ERC2: variants seen among roughly 807,000 people sequenced by gnomAD.
ERC2 encodes the protein ERC protein 2.
Under a neutral mutation model 114.8 loss-of-function variants are expected in ERC2, and 42 were observed. The observed-to-expected ratio is 0.37, with a 90% CI of 0.29 to 0.47. The LOEUF (loss-of-function observed/expected upper bound fraction) is 0.47, where lower values mean the gene tolerates loss of function less well. Ranked by LOEUF, ERC2 falls within the 20% of genes least tolerant of loss-of-function variation. The pLI is 0.99. For missense variants in ERC2, 939 were observed against 1,150.7 expected, an observed-to-expected ratio of 0.82 and a Z score of 2.66; for synonymous variants, 454 against 425.5, an observed-to-expected ratio of 1.07 and a Z score of -0.82.
chr3:55,657,191 C>T (rs1033523399), intron 17 of ERC2: 4 of 151,916 alleles, frequency 2.6e-5, no homozygotes, highest in African/African-American at 9.7e-5. Context: ...TCCTGACATA[C>T]CCTTTTTCAT....
At chr3:55,901,495 G>T (rs1242548405) in intron 13 of ERC2, among the ~76,000 whole-genome samples, 2 of 152,180 alleles carry the variant, frequency 1.3e-5, no homozygotes, top group Non-Finnish European at 2.9e-5. Context: ...GCTCATTGAA[G>T]CCACCTGTAT....
chr3:55,992,426 G>T (rs1460287580), intron 10 of ERC2, among the ~76,000 whole-genome samples, 176 bp from the exon 11 acceptor site: 1 of 152,114 alleles, frequency 6.6e-6, no homozygotes, highest in Non-Finnish European at 1.5e-5. Flanking sequence ...TACCTTAGAA[G>T]AATGCTGATT....
intron 7 of ERC2, among the ~76,000 whole-genome samples, chr3:56,040,654 G>GTA (rs2149658652): frequency 7.3e-6 from 1 of 137,864 alleles, no homozygotes; most frequent in South Asian, 2.2e-4. Context: ...AGATGTATAT[G>GTA]TATATATACA....
At chr3:55,880,818 C>A (rs1288175577) in intron 14 of ERC2, among the ~76,000 whole-genome samples, 2 of 151,130 alleles carry the variant, frequency 1.3e-5, no homozygotes, top group Non-Finnish European at 1.5e-5. Context: ...AAAAGAAATT[C>A]TTGAATGGAG....
intron 13 of ERC2, among the ~76,000 whole-genome samples, chr3:55,949,353 G>C (rs2067340142): frequency 6.6e-6 from 1 of 151,962 alleles, no homozygotes; most frequent in Non-Finnish European, 1.5e-5. Context: ...CTGGGCGACA[G>C]GGGGAGACTC....
intron 3 of ERC2, among the ~76,000 whole-genome samples, chr3:56,291,649 G>A (rs534987464): frequency 3.9e-5 from 6 of 152,122 alleles, no homozygotes; most frequent in Non-Finnish European, 5.9e-5. Flanking sequence ...CAACCTACTC[G>A]AACTGTGCAT....
At chr3:55,961,318 T>A (rs773774764) in intron 12 of ERC2, among the ~76,000 whole-genome samples, 5 of 152,032 alleles carry the variant, frequency 3.3e-5, no homozygotes, top group South Asian at 2.1e-4. Flanking sequence ...ACCCCCACCC[T>A]GCCCCTTCCT....
chr3:55,704,558 A>T (rs1296016753), intron 15 of ERC2, among the ~76,000 whole-genome samples: 2 of 152,194 alleles, frequency 1.3e-5, no homozygotes, highest in African/African-American at 4.8e-5. Flanking sequence ...CAAGGTGAAC[A>T]GCTCTTGTCT....
intron 15 of ERC2, among the ~76,000 whole-genome samples, chr3:55,720,680 G>C (rs1169940880): frequency 6.6e-6 from 1 of 152,058 alleles, no homozygotes; most frequent in Admixed American, 6.5e-5. Flanking sequence ...GCAGAAGAGG[G>C]GACCCTATGT....
At chr3:56,041,596 C>A (rs1002863922) in intron 7 of ERC2, among the ~76,000 whole-genome samples, 1 of 152,134 alleles carries the variant, frequency 6.6e-6, no homozygotes, top group African/African-American at 2.4e-5. Context: ...TTCCTTCCAC[C>A]TTTCCTCTCT....
intron 7 of ERC2, chr3:56,072,122 G>C (rs907678682): frequency 1.3e-5 from 2 of 154,284 alleles, no homozygotes; most frequent in African/African-American, 4.8e-5. Flanking sequence ...GGGCAATCTG[G>C]CTGCAACATC....
intron 3 of ERC2, among the ~76,000 whole-genome samples, chr3:56,272,225 C>T (rs887801861): frequency 3.3e-5 from 5 of 152,144 alleles, no homozygotes; most frequent in African/African-American, 7.2e-5. Flanking sequence ...CCTGGGCACA[C>T]CAAAACCAAA....
intron 6 of ERC2, among the ~76,000 whole-genome samples, chr3:56,108,841 A>G (rs553774910): frequency 6.6e-6 from 1 of 152,328 alleles, no homozygotes; most frequent in Admixed American, 6.5e-5. Flanking sequence ...GTAGGATACA[A>G]GATTAATAAT....
chr3:56,421,147 T>G (rs1467266971), intron 2 of ERC2, among the ~76,000 whole-genome samples: 1 of 152,140 alleles, frequency 6.6e-6, no homozygotes, highest in Non-Finnish European at 1.5e-5. Context: ...CTACTGAAGT[T>G]GTTATTGAAA....
intron 6 of ERC2, among the ~76,000 whole-genome samples, chr3:56,107,024 C>A (rs1265583643): frequency 3.3e-5 from 5 of 152,088 alleles, no homozygotes; most frequent in African/African-American, 4.8e-5. Flanking sequence ...AATACGGAAA[C>A]ATGTTTTATT....
At chr3:56,265,753 G>A (rs993696401) in intron 3 of ERC2, among the ~76,000 whole-genome samples, 3 of 152,246 alleles carry the variant, frequency 2.0e-5, no homozygotes, top group African/African-American at 7.2e-5. Context: ...AATAGGCCAG[G>A]CACAGTGGCT....
intron 2 of ERC2, among the ~76,000 whole-genome samples, chr3:56,331,529 C>G (rs2057615059): frequency 6.6e-6 from 1 of 152,042 alleles, no homozygotes. Context: ...AATGATACTC[C>G]AGCAAATTAG....
chr3:55,716,873 G>C (rs575432285), intron 15 of ERC2, among the ~76,000 whole-genome samples: 5 of 152,222 alleles, frequency 3.3e-5, no homozygotes, highest in African/African-American at 9.6e-5. Flanking sequence ...AATTTGCAAG[G>C]CTATCTATAT....
intron 4 of ERC2, among the ~76,000 whole-genome samples, chr3:56,157,107 C>T (rs2081770218): frequency 6.6e-6 from 1 of 152,114 alleles, no homozygotes; most frequent in Non-Finnish European, 1.5e-5. Flanking sequence ...AAGGTTTCCC[C>T]CTGGGTAAAC....
Sources: gnomAD v4.1 joint callset for allele counts (sites outside exome capture counted in the v4.1 genomes callset) on GRCh38, gnomAD v4.1.1 for gene constraint, MANE v1.5 for transcripts, NCBI Gene and HGNC (gene_info 2026-07-23, HGNC 2026-07-21) for gene names.